Variants in DSCAM observed in about 807,000 individuals in gnomAD.
DSCAM encodes cell adhesion molecule DSCAM.
DSCAM carries 47 observed loss-of-function variants against 217.7 expected under a neutral mutation model. That is an observed-to-expected ratio of 0.22 (90% CI 0.17 to 0.28). The LOEUF is 0.28. Among genes scored for constraint, DSCAM ranks in the 10% least tolerant of loss-of-function variants. DSCAM has a pLI of 1.00. For synonymous variants in DSCAM, 1,056 were observed against 1,015.3 expected, an observed-to-expected ratio of 1.04 and a Z score of -0.76; for missense variants, 2,080 against 2,618.3, an observed-to-expected ratio of 0.79 and a Z score of 4.49.
intron 3 of DSCAM, among the ~76,000 whole-genome samples, chr21:40,391,189 C>G (rs2075130650): frequency 6.6e-6 from 1 of 152,190 alleles, no homozygotes; most frequent in African/African-American, 2.4e-5. Flanking sequence ...CAGGTGAGAG[C>G]TATTGCCTTA....
At chr21:40,771,227 C>T (rs2091441837) in intron 1 of DSCAM, among the ~76,000 whole-genome samples, 1 of 152,200 alleles carries the variant, frequency 6.6e-6, no homozygotes, top group Non-Finnish European at 1.5e-5. Context: ...TAGAACCATG[C>T]TGCCCATTTT....
chr21:40,039,132 C>A (rs148389283), intron 32 of DSCAM, among the ~76,000 whole-genome samples: 1 of 151,444 alleles, frequency 6.6e-6, no homozygotes, highest in African/African-American at 2.4e-5. Flanking sequence ...CTAACCTGCA[C>A]AATATGCACA....
intron 3 of DSCAM, among the ~76,000 whole-genome samples, chr21:40,612,940 G>T (rs190153599): frequency 6.6e-6 from 1 of 152,200 alleles, no homozygotes; most frequent in Admixed American, 6.5e-5. Context: ...CAAGAATTAA[G>T]ACAGGAATCT....
intron 1 of DSCAM, among the ~76,000 whole-genome samples, chr21:40,755,371 G>A (rs546077622): frequency 3.9e-5 from 6 of 152,128 alleles, no homozygotes; most frequent in African/African-American, 4.8e-5. Context: ...GCTTGAACCC[G>A]GGAGGCAGAG....
intron 1 of DSCAM, among the ~76,000 whole-genome samples, chr21:40,735,936 A>C (rs1007650710): frequency 2.0e-5 from 3 of 152,136 alleles, no homozygotes; most frequent in Non-Finnish European, 4.4e-5. Context: ...CCATTCCCCG[A>C]GATTGCCCTC....
chr21:40,634,481 A>G (rs768977176), intron 3 of DSCAM, among the ~76,000 whole-genome samples: 2 of 152,298 alleles, frequency 1.3e-5, no homozygotes, highest in South Asian at 2.1e-4. Flanking sequence ...TCTTCCTCCA[A>G]AGATTTATCC....
chr21:40,620,925 C>A (rs186243477), intron 3 of DSCAM, among the ~76,000 whole-genome samples: 1 of 152,156 alleles, frequency 6.6e-6, no homozygotes, highest in African/African-American at 2.4e-5. Context: ...TGCACTGATG[C>A]GTGTGACGAC....
intron 3 of DSCAM, among the ~76,000 whole-genome samples, chr21:40,502,829 G>A (rs2076180379): frequency 6.6e-6 from 1 of 152,038 alleles, no homozygotes; most frequent in African/African-American, 2.4e-5. Flanking sequence ...TAAGCCACAG[G>A]CATTTTTGGG....
chr21:40,540,866 T>C (rs945694231), intron 3 of DSCAM, among the ~76,000 whole-genome samples: 3 of 152,124 alleles, frequency 2.0e-5, no homozygotes, highest in Non-Finnish European at 4.4e-5. Context: ...AGGAATCCCA[T>C]ATATATTACT....
chr21:40,268,300 G>A (rs1291777350), intron 11 of DSCAM, among the ~76,000 whole-genome samples: 1 of 152,172 alleles, frequency 6.6e-6, no homozygotes, highest in African/African-American at 2.4e-5. Flanking sequence ...CCTGCTGATG[G>A]GCAAATGGGT....
intron 3 of DSCAM, among the ~76,000 whole-genome samples, chr21:40,534,577 C>T (rs2076480699): frequency 6.6e-6 from 1 of 152,184 alleles, no homozygotes; most frequent in East Asian, 1.9e-4. Context: ...TCTTGCTTCA[C>T]TCTGCAGGAT....
chr21:40,029,802 C>A (rs949080763), intron 32 of DSCAM, among the ~76,000 whole-genome samples: 1 of 152,158 alleles, frequency 6.6e-6, no homozygotes, highest in Non-Finnish European at 1.5e-5. Context: ...ATAACCCCCA[C>A]CCCCAGCTTC....
chr21:40,251,824 C>T (rs2073308472), intron 11 of DSCAM, among the ~76,000 whole-genome samples: 1 of 152,162 alleles, frequency 6.6e-6, no homozygotes, highest in Admixed American at 6.5e-5. Flanking sequence ...TCTCTGTTGC[C>T]TTCTCCACTT....
chr21:40,667,892 G>C (rs2090222644), intron 3 of DSCAM, among the ~76,000 whole-genome samples: 1 of 152,074 alleles, frequency 6.6e-6, no homozygotes, highest in Non-Finnish European at 1.5e-5. Flanking sequence ...GTGTGAGAAT[G>C]GACTAATACA....
At chr21:40,765,111 AAG>A (rs989075943) in intron 1 of DSCAM, among the ~76,000 whole-genome samples, 2 of 150,952 alleles carry the variant, frequency 1.3e-5, no homozygotes, top group African/African-American at 4.8e-5. Flanking sequence ...AAAAAAAAAA[AAG>A]AACTTGTCAG....
intron 32 of DSCAM, among the ~76,000 whole-genome samples, chr21:40,035,546 A>T (rs2088603065): frequency 1.5e-5 from 2 of 133,654 alleles, no homozygotes; most frequent in Admixed American, 7.4e-5. Flanking sequence ...AGAGACTTAG[A>T]CTCCCACACA....
At chr21:40,694,470 C>T (rs1601855409) in intron 2 of DSCAM, among the ~76,000 whole-genome samples, 1 of 152,150 alleles carries the variant, frequency 6.6e-6, no homozygotes, top group African/African-American at 2.4e-5. Context: ...CTGTTAAGGT[C>T]GGGCTAACCT....
intron 1 of DSCAM, among the ~76,000 whole-genome samples, chr21:40,827,131 G>A (rs1435285550): frequency 6.6e-5 from 10 of 152,082 alleles, no homozygotes; most frequent in Non-Finnish European, 1.0e-4. Context: ...GTGAGGCAGA[G>A]GGAAACCCAG....
intron 9 of DSCAM, 50 bp from the exon 10 acceptor site, chr21:40,296,224 G>A (rs779163669): frequency 6.3e-7 from 1 of 1,595,008 alleles, no homozygotes; most frequent in African/African-American, 1.3e-5. Flanking sequence ...CAGAAACTGA[G>A]TAAAGGTATG....
Sources: allele counts gnomAD v4.1 joint callset (sites outside exome capture counted in the v4.1 genomes callset), GRCh38; gene constraint gnomAD v4.1.1; transcripts MANE v1.5; gene names NCBI Gene and HGNC (gene_info 2026-07-23, HGNC 2026-07-21).